Variants in KCNIP4 observed in about 807,000 individuals in gnomAD.
KCNIP4 encodes the protein Kv channel-interacting protein 4.
KCNIP4 carries 12 observed loss-of-function variants against 34.0 expected under a neutral mutation model. The observed-to-expected ratio is 0.35, with a 90% CI of 0.23 to 0.57. The LOEUF (loss-of-function observed/expected upper bound fraction) is 0.57. Among genes scored for constraint, KCNIP4 ranks in the 20% least tolerant of loss-of-function variants. The probability of loss-of-function intolerance (pLI) is 0.83; values close to 1 mark genes in which losing one functional copy is unlikely to be tolerated. For missense variants in KCNIP4, 238 were observed against 311.7 expected (o/e 0.76, Z 1.78); for synonymous variants, 124 against 102.2 (o/e 1.21, Z -1.29).
At chr4:21,090,538 C>T (rs1037186608) in intron 1 of KCNIP4, among the ~76,000 whole-genome samples, 1 of 152,178 alleles carries the variant, frequency 6.6e-6, no homozygotes, top group Non-Finnish European at 1.5e-5. Flanking sequence ...ACAATTCACA[C>T]TAAAGGTACT....
At chr4:21,474,730 C>T (rs1419572186) in intron 1 of KCNIP4, among the ~76,000 whole-genome samples, 2 of 151,732 alleles carry the variant, frequency 1.3e-5, no homozygotes, top group Admixed American at 1.3e-4. Context: ...GGCGCGGTGG[C>T]TCACGCCTGT....
intron 1 of KCNIP4, among the ~76,000 whole-genome samples, chr4:21,912,972 G>A (rs1728424087): frequency 6.6e-6 from 1 of 151,916 alleles, no homozygotes; most frequent in Non-Finnish European, 1.5e-5. Context: ...GAAGAAGACA[G>A]GAGTGGGGGC....
intron 1 of KCNIP4, among the ~76,000 whole-genome samples, chr4:21,548,634 C>T (rs34917177): frequency 0.23 from 34,824 of 150,672 alleles, 4,721 homozygotes; most frequent in Middle Eastern, 0.4. Flanking sequence ...ACATAAAGTG[C>T]TAATAATGTA....
intron 1 of KCNIP4, among the ~76,000 whole-genome samples, chr4:21,802,987 A>G (rs755014956): frequency 7.2e-5 from 11 of 152,106 alleles, no homozygotes; most frequent in Non-Finnish European, 1.5e-4. Flanking sequence ...TCCTTATATC[A>G]ATTCCTGAAC....
intron 1 of KCNIP4, among the ~76,000 whole-genome samples, chr4:21,173,759 A>G (rs1754190074): frequency 6.6e-6 from 1 of 152,186 alleles, no homozygotes; most frequent in Non-Finnish European, 1.5e-5. Context: ...CATCTCTGGC[A>G]GAACTGTCGG....
chr4:20,984,249 A>T (rs1278092559), intron 1 of KCNIP4, among the ~76,000 whole-genome samples: 2 of 152,192 alleles, frequency 1.3e-5, no homozygotes, highest in African/African-American at 2.4e-5. Context: ...TCTGTCGGAG[A>T]ACTGGAGACT....
chr4:21,405,313 A>G (rs1262880034), intron 1 of KCNIP4, among the ~76,000 whole-genome samples: 1 of 152,190 alleles, frequency 6.6e-6, no homozygotes, highest in Non-Finnish European at 1.5e-5. Flanking sequence ...AGCTATACCC[A>G]TCACAATGGT....
At chr4:20,867,754 A>T (rs1193708570) in intron 2 of KCNIP4, among the ~76,000 whole-genome samples, 1 of 152,106 alleles carries the variant, frequency 6.6e-6, no homozygotes, top group Non-Finnish European at 1.5e-5. Context: ...GCTGGAGGCC[A>T]TCATTCTCAG....
chr4:21,646,252 C>G (rs1431974719), intron 1 of KCNIP4, among the ~76,000 whole-genome samples: 2 of 152,164 alleles, frequency 1.3e-5, no homozygotes, highest in African/African-American at 4.8e-5. Context: ...GTGAACTGAT[C>G]AAATTGGTTG....
intron 1 of KCNIP4, among the ~76,000 whole-genome samples, chr4:21,581,455 G>A (rs1283192192): frequency 2.6e-5 from 4 of 151,946 alleles, no homozygotes; most frequent in South Asian, 2.1e-4. Flanking sequence ...GGAAGGTAAC[G>A]GATGAGAGTT....
intron 1 of KCNIP4, among the ~76,000 whole-genome samples, chr4:21,266,287 G>C (rs1761803239): frequency 6.6e-6 from 1 of 152,056 alleles, no homozygotes; most frequent in African/African-American, 2.4e-5. Flanking sequence ...TCCTATTATA[G>C]TCATTTTTGC....
chr4:21,899,447 C>G (rs1056044045), intron 1 of KCNIP4, among the ~76,000 whole-genome samples: 1 of 151,366 alleles, frequency 6.6e-6, no homozygotes, highest in Admixed American at 6.6e-5. Context: ...AGCAATTAGA[C>G]AAGAGAAAAA....
At position 20,888,678 on chromosome 4, in the gene KCNIP4, G is replaced by A. The variant is rs146116247; in HGVS notation, c.62-5969C>T. ...TATGTATCGCCACCTACAATGGACAGATTCATATCTTAAATTAATTGGCTA... is the reference window on the plus strand; with the variant it reads ...TATGTATCGCCACCTACAATGGACAAATTCATATCTTAAATTAATTGGCTA... On this transcript the variant is annotated intron_variant, in intron 1 of 8. Coordinates refer to ENST00000382152, the MANE Select transcript of KCNIP4 (RefSeq NM_025221.6). Among the ~76,000 whole-genome samples, 289 of 152,238 alleles carry A rather than the reference G, an allele frequency of 1.9e-3. 1 individual carries two copies. The highest frequency in any genetic ancestry group is 6.7e-3 in the African/African-American group (279 of 41,560).
intron 1 of KCNIP4, among the ~76,000 whole-genome samples, chr4:21,863,002 T>C (rs1446656164): frequency 1.3e-5 from 2 of 151,640 alleles, no homozygotes; most frequent in African/African-American, 2.4e-5. Context: ...TTCTCAAACA[T>C]TCACCTTAAG....
At chr4:20,919,600 G>A (rs1461809240) in intron 1 of KCNIP4, among the ~76,000 whole-genome samples, 1 of 151,434 alleles carries the variant, frequency 6.6e-6, no homozygotes, top group African/African-American at 2.4e-5. Context: ...CAACTCAGGA[G>A]GCTGAGGCAG....
intron 2 of KCNIP4, among the ~76,000 whole-genome samples, chr4:20,870,199 G>A (rs1454469235): frequency 1.3e-5 from 2 of 152,078 alleles, no homozygotes; most frequent in East Asian, 3.9e-4. Flanking sequence ...AGTGTTGGGG[G>A]AGGCACCTGG....
chr4:21,597,572 A>G (rs1056308593), intron 1 of KCNIP4, among the ~76,000 whole-genome samples: 4 of 152,122 alleles, frequency 2.6e-5, no homozygotes, highest in African/African-American at 4.8e-5. Context: ...CTGCCATCAA[A>G]GCCACTTTCC....
chr4:20,843,748 A>T (rs1022827454), intron 3 of KCNIP4, among the ~76,000 whole-genome samples: 1 of 152,212 alleles, frequency 6.6e-6, no homozygotes, highest in African/African-American at 2.4e-5. Flanking sequence ...AAAACAAAAC[A>T]AAACAAAAAA....
intron 1 of KCNIP4, among the ~76,000 whole-genome samples, chr4:21,065,992 T>C (rs1744348445): frequency 6.6e-6 from 1 of 151,784 alleles, no homozygotes; most frequent in African/African-American, 2.4e-5. Context: ...AGAGGCAAAA[T>C]AGTGTAGCAT....
Sources: allele counts gnomAD v4.1 joint callset (sites outside exome capture counted in the v4.1 genomes callset), GRCh38; gene constraint gnomAD v4.1.1; transcripts MANE v1.5; gene names NCBI Gene and HGNC (gene_info 2026-07-23, HGNC 2026-07-21).